The following TEKT5 variants were observed in gnomAD, a reference collection of about 807,000 sequenced individuals.
The protein encoded by TEKT5 is tektin 5.
TEKT5 carries 52 observed loss-of-function variants against 48.7 expected under a neutral mutation model. That is an observed-to-expected ratio of 1.07 (90% CI 0.86 to 1.35). The LOEUF (loss-of-function observed/expected upper bound fraction) is 1.35. TEKT5 is among the 40% of genes most tolerant of loss of function. The pLI, the probability that TEKT5 is intolerant of heterozygous loss-of-function variation, is 0.00. For missense variants in TEKT5, 831 were observed against 641.6 expected (o/e 1.30, Z -3.19); for synonymous variants, 318 against 267.6 (o/e 1.19, Z -1.84).
intron 5 of TEKT5, among the ~76,000 whole-genome samples, chr16:10,644,068 T>C (rs1898033947): frequency 6.6e-6 from 1 of 152,034 alleles, no homozygotes; most frequent in Non-Finnish European, 1.5e-5. Flanking sequence ...TAACATAAAA[T>C]CAATTTCACA....
intron 5 of TEKT5, among the ~76,000 whole-genome samples, chr16:10,662,657 C>T (rs189021266): frequency 2.3e-3 from 347 of 152,338 alleles, no homozygotes; most frequent in South Asian, 6.8e-3. Context: ...CCTTTCTTTA[C>T]CCATGACTAT....
chr16:10,674,147 G>T (rs559546774), intron 5 of TEKT5, among the ~76,000 whole-genome samples: 1 of 151,558 alleles, frequency 6.6e-6, no homozygotes, highest in African/African-American at 2.4e-5. Context: ...CATCCCGGAC[G>T]CTTCCTTTGC....
At chr16:10,637,372 T>C (rs1897930485) in intron 5 of TEKT5, among the ~76,000 whole-genome samples, 1 of 149,716 alleles carries the variant, frequency 6.7e-6, no homozygotes, top group South Asian at 2.1e-4. Flanking sequence ...GTTTACCCTC[T>C]TAATAACTAG....
Position 10,676,184 on chromosome 16 carries a change from G to T in TEKT5, c.864-3C>A, listed in dbSNP as rs1162072719. On this transcript the variant is annotated splice_region_variant and splice_polypyrimidine_tract_variant and intron_variant, in intron 4 of 6. Transcript: ENST00000283025. Reference sequence around the variant, plus strand: ...CCCAGGTCTCAGGTACGGAGATCCTGCAAAGGCACAAGGGTGAGTTGCAGC... The same window carrying T: ...CCCAGGTCTCAGGTACGGAGATCCTTCAAAGGCACAAGGGTGAGTTGCAGC... The T allele has an allele frequency of 1.9e-6, 3 of 1,613,966 alleles. No individual in the cohort carries two copies. The highest frequency in any genetic ancestry group is 2.5e-6 in the Non-Finnish European group (3 of 1,179,974).
intron 5 of TEKT5, 55 bp downstream of exon 5, chr16:10,675,904 G>C: frequency 6.4e-7 from 1 of 1,571,318 alleles, no homozygotes; most frequent in Non-Finnish European, 8.7e-7. Context: ...CAGATTCACG[G>C]GAGAAGGGTG....
chr16:10,631,359 G>C (rs1419981995), intron 6 of TEKT5, among the ~76,000 whole-genome samples: 1 of 122,442 alleles, frequency 8.2e-6, no homozygotes, highest in African/African-American at 3.8e-5. Context: ...GGGTGGGGGC[G>C]GGGGAGGGTT....
chr16:10,628,242 C>G (rs545321199), intron 6 of TEKT5, among the ~76,000 whole-genome samples: 7 of 152,278 alleles, frequency 4.6e-5, no homozygotes, highest in Non-Finnish European at 2.9e-5. Flanking sequence ...AGGCAAGGCT[C>G]GGCCCTCCAG....
At chr16:10,683,711 C>T (rs1311834503) in intron 3 of TEKT5, among the ~76,000 whole-genome samples, 4 of 152,194 alleles carry the variant, frequency 2.6e-5, no homozygotes, top group Admixed American at 1.3e-4. Context: ...CTACCTCAGT[C>T]TCCCTAGTAG....
chr16:10,656,143 G>GCTAC (rs1240784108), intron 5 of TEKT5, among the ~76,000 whole-genome samples: 1 of 152,186 alleles, frequency 6.6e-6, no homozygotes, highest in Non-Finnish European at 1.5e-5. Flanking sequence ...CCCACTAGAT[G>GCTAC]CCAGTAGCAC....
At chr16:10,658,210 G>A (rs902974701) in intron 5 of TEKT5, among the ~76,000 whole-genome samples, 3 of 152,186 alleles carry the variant, frequency 2.0e-5, no homozygotes, top group South Asian at 2.1e-4. Flanking sequence ...CCGTTTGACA[G>A]AACCTACTGA....
At chr16:10,636,981 TGA>T (rs1370212192) in intron 5 of TEKT5, among the ~76,000 whole-genome samples, 4,495 of 136,200 alleles carry the variant, frequency 0.033, 319 homozygotes, top group African/African-American at 0.13. Flanking sequence ...CTCACCTGGC[TGA>T]TTTTTTTTTT....
At chr16:10,691,588 C>G (rs892346052) in intron 1 of TEKT5, among the ~76,000 whole-genome samples, 2 of 151,986 alleles carry the variant, frequency 1.3e-5, no homozygotes, top group Non-Finnish European at 2.9e-5. Flanking sequence ...ATAGAGGAAG[C>G]GAGTCTAGAG....
At chr16:10,658,553 T>G (rs923963014) in intron 5 of TEKT5, among the ~76,000 whole-genome samples, 2 of 151,934 alleles carry the variant, frequency 1.3e-5, no homozygotes, top group African/African-American at 4.8e-5. Flanking sequence ...ATCTAACGGC[T>G]GGTGATAGAA....
chr16:10,647,184 A>G (rs1330940638), intron 5 of TEKT5, among the ~76,000 whole-genome samples: 1 of 152,070 alleles, frequency 6.6e-6, no homozygotes. Flanking sequence ...AGAAGCTGCC[A>G]GTGGGCTGGG....
intron 5 of TEKT5, among the ~76,000 whole-genome samples, chr16:10,663,314 A>C (rs1370669577): frequency 2.0e-5 from 3 of 152,220 alleles, no homozygotes; most frequent in African/African-American, 7.2e-5. Context: ...TCTAAGGCCA[A>C]GAAATTATTT....
intron 3 of TEKT5, among the ~76,000 whole-genome samples, chr16:10,684,147 C>T (rs927954491): frequency 2.0e-5 from 3 of 152,152 alleles, no homozygotes; most frequent in Admixed American, 6.5e-5. Flanking sequence ...TAAGCAGCAG[C>T]TGAAACTTTT....
chr16:10,674,617 G>GAAAAAAAAAAAA (rs57583870), intron 5 of TEKT5, among the ~76,000 whole-genome samples: 1 of 74,742 alleles, frequency 1.3e-5, no homozygotes, highest in African/African-American at 5.9e-5. Context: ...GATCATCTCA[G>GAAAAAAAAAAAA]AAAAAAAAAA....
intron 5 of TEKT5, among the ~76,000 whole-genome samples, chr16:10,674,617 GAAAAAAAAAAAAA>G (rs57583870): frequency 1.3e-5 from 1 of 74,746 alleles, no homozygotes; most frequent in Non-Finnish European, 2.4e-5. Flanking sequence ...GATCATCTCA[GAAAAAAAAAAAAA>G]AAAAAAAAAA....
intron 2 of TEKT5, 49 bp downstream of exon 2, chr16:10,689,893 G>A: frequency 6.3e-7 from 1 of 1,586,074 alleles, no homozygotes; most frequent in Non-Finnish European, 8.6e-7. Context: ...TGACCTGCTG[G>A]CCTTCCCGCC....
Sources: gnomAD v4.1 joint callset for allele counts (sites outside exome capture counted in the v4.1 genomes callset) on GRCh38, gnomAD v4.1.1 for gene constraint, MANE v1.5 for transcripts, NCBI Gene and HGNC (gene_info 2026-07-23, HGNC 2026-07-21) for gene names.